Variants in RICTOR observed in about 807,000 individuals in gnomAD.
The protein encoded by RICTOR is rapamycin-insensitive companion of mTOR.
Under a neutral mutation model 214.9 loss-of-function variants are expected in RICTOR, and 49 were observed. The ratio of observed to expected loss-of-function variants is 0.23; its 90% CI spans 0.18 to 0.29. The LOEUF is 0.29. RICTOR is among the 10% of genes least tolerant of loss of function. The probability of loss-of-function intolerance (pLI) is 1.00; values close to 1 mark genes in which losing one functional copy is unlikely to be tolerated. For missense variants in RICTOR, 1,625 were observed against 2,047.0 expected (o/e 0.79, Z 3.98); for synonymous variants, 717 against 711.3 (o/e 1.01, Z -0.13).
intron 3 of RICTOR, among the ~76,000 whole-genome samples, chr5:39,018,955 C>T (rs1248099020): frequency 6.6e-6 from 1 of 152,098 alleles, no homozygotes; most frequent in African/African-American, 2.4e-5. Flanking sequence ...CCAATGAACA[C>T]ACAAATAATA....
intron 2 of RICTOR, among the ~76,000 whole-genome samples, chr5:39,063,513 G>T (rs754993992): frequency 2.6e-5 from 4 of 152,106 alleles, no homozygotes; most frequent in Middle Eastern, 3.2e-3. Flanking sequence ...TCTTACAATT[G>T]TCATTATATC....
In RICTOR at chr5:38,938,927, C is replaced by T. The variant is rs1747241454; in HGVS notation, c.*3377G>A. The T allele has an allele frequency of 8.6e-6, 2 of 232,682 alleles. No individual in the cohort carries two copies. Among genetic ancestry groups the T allele is most frequent in the Admixed American group, 5.6e-5 (1 of 17,746 alleles). 14.4% of individuals were successfully genotyped at this position (232,682 alleles called of 1,614,324 possible). The stretch of plus-strand genomic sequence containing the variant: ...TCTCAATTTTACCTTTTCTTTTTTC[C>T]CCATGTTTTAATGGATTGTGAATCT... On this transcript the variant is annotated 3_prime_UTR_variant, in exon 38 of 38. Coordinates refer to ENST00000357387, the MANE Select transcript of RICTOR (RefSeq NM_152756.5).
intron 15 of RICTOR, 134 bp from the exon 16 acceptor site, chr5:38,965,026 T>C: frequency 1.9e-6 from 1 of 516,550 alleles, no homozygotes; most frequent in South Asian, 3.2e-5. Context: ...TTAACTTATT[T>C]TCCCCAATAC....
At position 38,940,544 on chromosome 5, in the gene RICTOR, T is replaced by C. The variant is rs1561427162; in HGVS notation, c.*1760A>G. 4.3e-6 allele frequency: 1 copy of C among 232,546 alleles called. No individual in the cohort carries two copies. Among genetic ancestry groups the C allele is most frequent in the East Asian group, 6.1e-5 (1 of 16,360 alleles). The allele number at this position is 232,546 out of a possible 1,614,324, so 14.4% of individuals were successfully genotyped here. ...TTAAATAAACACTTGGGTTCAGTGA[T>C]AAAGTATAAAAAAATTATTTATCTT... On this transcript the variant is annotated 3_prime_UTR_variant, in exon 38 of 38. Transcript: ENST00000357387.
intron 2 of RICTOR, among the ~76,000 whole-genome samples, chr5:39,043,585 T>C (rs1318666114): frequency 6.6e-6 from 1 of 152,178 alleles, no homozygotes; most frequent in Non-Finnish European, 1.5e-5. Context: ...TATTGTATAT[T>C]TCAAAATAAC....
At chr5:39,018,100 T>A (rs1755103389) in intron 3 of RICTOR, among the ~76,000 whole-genome samples, 1 of 152,130 alleles carries the variant, frequency 6.6e-6, no homozygotes, top group African/African-American at 2.4e-5. Context: ...TTTTAGGGTA[T>A]CTCCTAAAAT....
intron 6 of RICTOR, among the ~76,000 whole-genome samples, chr5:38,995,252 G>A (rs769678405): frequency 2.2e-4 from 33 of 152,176 alleles, no homozygotes; most frequent in Admixed American, 1.2e-3. Context: ...TTGAAATAAT[G>A]TCTTTTGAAG....
rs41271099 is a variant in RICTOR, at chr5:38,955,542, G to A, written c.2609+53C>T. On this transcript the variant is annotated intron_variant, in intron 26 of 37. Transcript: ENST00000357387. Reference sequence around the variant, plus strand: ...GCAGAATATACAAAAACTCAGAAATGTTAAAAATAATTTATGATGAACTAG... The same window carrying A: ...GCAGAATATACAAAAACTCAGAAATATTAAAAATAATTTATGATGAACTAG... 4,439 of 971,050 alleles carry A rather than the reference G, an allele frequency of 4.6e-3. 22 individuals carry two copies. The highest frequency in any genetic ancestry group is 6.1e-3 in the Non-Finnish European group (3,683 of 605,396). 60.2% of individuals were successfully genotyped at this position (971,050 alleles called of 1,614,324 possible). A position where few individuals can be genotyped will look rare whatever the true frequency, so the allele number is the denominator to read the frequency against.
intron 2 of RICTOR, among the ~76,000 whole-genome samples, chr5:39,034,482 G>A (rs2150156092): frequency 6.6e-6 from 1 of 152,362 alleles, no homozygotes; most frequent in Middle Eastern, 3.4e-3. Flanking sequence ...GACAGTGGGT[G>A]CAGCGCACCG....
chr5:39,039,683 A>C, intron 2 of RICTOR, among the ~76,000 whole-genome samples: 1 of 152,218 alleles, frequency 6.6e-6, no homozygotes. Flanking sequence ...TCTCAAAAGA[A>C]GACATTTATG....
intron 2 of RICTOR, among the ~76,000 whole-genome samples, chr5:39,040,207 T>TATTGCAAGGACAAAAA (rs2150168239): frequency 6.6e-6 from 1 of 151,332 alleles, no homozygotes; most frequent in East Asian, 2.0e-4. Context: ...CTCAGCAAAC[T>TATTGCAAGGACAAAAA]ATTGCAAGGA....
chr5:39,072,223 T>C (rs2150225776), intron 2 of RICTOR, among the ~76,000 whole-genome samples: 1 of 152,328 alleles, frequency 6.6e-6, no homozygotes, highest in South Asian at 2.1e-4. Flanking sequence ...TTCTGCACTA[T>C]CTATATTAAC....
chr5:38,949,068 A>G (rs980435445), intron 31 of RICTOR, among the ~76,000 whole-genome samples: 17 of 152,094 alleles, frequency 1.1e-4, no homozygotes, highest in African/African-American at 3.9e-4. Context: ...GTTTAGAAGC[A>G]TTTGGTCCAA....
intron 2 of RICTOR, among the ~76,000 whole-genome samples, chr5:39,049,824 T>A (rs1365101188): frequency 6.6e-6 from 1 of 152,008 alleles, no homozygotes; most frequent in Admixed American, 6.5e-5. Context: ...TAGCTGAAGA[T>A]ACTATACAGA....
At chr5:38,970,272 C>T (rs1750673645) in intron 11 of RICTOR, 2 of 152,082 alleles carry the variant, frequency 1.3e-5, no homozygotes, top group Admixed American at 1.3e-4. Flanking sequence ...CTGTATAAGG[C>T]CTATATTAGA....
chr5:39,059,578 A>G (rs1424477407), intron 2 of RICTOR, among the ~76,000 whole-genome samples: 2 of 152,078 alleles, frequency 1.3e-5, no homozygotes, highest in Admixed American at 6.6e-5. Flanking sequence ...GAAGGTCCTC[A>G]ACAACTTACC....
At chr5:38,963,375 C>T (rs923787973) in intron 16 of RICTOR, among the ~76,000 whole-genome samples, 4 of 151,818 alleles carry the variant, frequency 2.6e-5, no homozygotes, top group East Asian at 1.9e-4. Context: ...TTGCTTTTCA[C>T]GTATAAATCC....
intron 6 of RICTOR, 81 bp from the exon 7 acceptor site, chr5:38,991,156 A>G: frequency 2.6e-6 from 2 of 782,568 alleles, no homozygotes; most frequent in East Asian, 5.9e-5. Context: ...GAAGTAGTTA[A>G]TAACAGAATA....
intron 2 of RICTOR, among the ~76,000 whole-genome samples, chr5:39,061,027 A>T (rs1758505898): frequency 6.6e-6 from 1 of 152,032 alleles, no homozygotes; most frequent in Non-Finnish European, 1.5e-5. Flanking sequence ...AATGTTTTTA[A>T]CACACTCCCC....
Sources: gnomAD v4.1 joint callset for allele counts (sites outside exome capture counted in the v4.1 genomes callset) on GRCh38, gnomAD v4.1.1 for gene constraint, MANE v1.5 for transcripts, NCBI Gene and HGNC (gene_info 2026-07-23, HGNC 2026-07-21) for gene names.